COTL1: variants seen among roughly 807,000 people sequenced by gnomAD.
COTL1 encodes coactosin-like protein.
In COTL1, 15 loss-of-function variants were observed where a neutral mutation model predicts 16.5. The ratio of observed to expected loss-of-function variants is 0.91; its 90% CI spans 0.61 to 1.40. COTL1 has a LOEUF of 1.40. COTL1 is among the 40% of genes most tolerant of loss of function. The probability of loss-of-function intolerance (pLI) is 0.00; values close to 1 mark genes in which losing one functional copy is unlikely to be tolerated. For synonymous variants in COTL1, 112 were observed against 85.3 expected (o/e 1.31, Z -1.73); for missense variants, 220 against 201.5 (o/e 1.09, Z -0.56).
At chr16:84,614,428 C>T (rs1905417610) in intron 2 of COTL1, among the ~76,000 whole-genome samples, 1 of 151,768 alleles carries the variant, frequency 6.6e-6, no homozygotes, top group Non-Finnish European at 1.5e-5. Context: ...AAAGGCCAGG[C>T]CAGGAGGCTG....
chr16:84,613,002 C>CTTT (rs201067681), intron 2 of COTL1, among the ~76,000 whole-genome samples: 9 of 130,454 alleles, frequency 6.9e-5, no homozygotes, highest in Non-Finnish European at 1.3e-4. Context: ...TTCTTTCTTT[C>CTTT]TTTCTTTTTT....
intron 2 of COTL1, among the ~76,000 whole-genome samples, chr16:84,591,651 A>C (rs868340515): frequency 3.5e-4 from 27 of 77,312 alleles, no homozygotes; most frequent in South Asian, 1.2e-3. Flanking sequence ...AAAAAAAAAA[A>C]AAAAAAAAAA....
Position 84,610,545 on chromosome 16 carries a change from G to C in COTL1, c.160+6956C>G, listed in dbSNP as rs367639421. Among the ~76,000 whole-genome samples the C allele has an allele frequency of 2.6e-5, 4 of 152,308 alleles. No homozygotes were observed. The East Asian group carries it at 5.8e-4, about 22-fold the overall frequency. ...ACCAACAACTCTGTCCAAAGTCTCA[G>C]GGATGAATCTGATTGGCTAGATTTG... is the stretch of plus-strand genomic sequence containing the variant. On this transcript the variant is annotated intron_variant, in intron 2 of 3. Coordinates refer to ENST00000262428, the MANE Select transcript of COTL1 (RefSeq NM_021149.5).
intron 3 of COTL1, among the ~76,000 whole-genome samples, chr16:84,577,385 C>T (rs552070305): frequency 6.6e-6 from 1 of 152,324 alleles, no homozygotes; most frequent in South Asian, 2.1e-4. Context: ...GCTGGGACTA[C>T]AGGCATGCGC....
At chr16:84,606,354 G>C (rs1265560321) in intron 2 of COTL1, among the ~76,000 whole-genome samples, 10 of 152,236 alleles carry the variant, frequency 6.6e-5, no homozygotes, top group Admixed American at 6.5e-4. Flanking sequence ...TGTGAGCTTA[G>C]CTCTCAGACA....
At chr16:84,599,031 A>G (rs1905062550) in intron 2 of COTL1, among the ~76,000 whole-genome samples, 1 of 151,996 alleles carries the variant, frequency 6.6e-6, no homozygotes, top group African/African-American at 2.4e-5. Context: ...TAACTCCCCA[A>G]AAGTTACAAA....
At chr16:84,573,881 G>C (rs1483137158) in intron 3 of COTL1, among the ~76,000 whole-genome samples, 3 of 152,052 alleles carry the variant, frequency 2.0e-5, no homozygotes, top group Non-Finnish European at 4.4e-5. Context: ...GAGGTGGGGC[G>C]CTGTGGCTCA....
intron 3 of COTL1, among the ~76,000 whole-genome samples, chr16:84,572,345 G>A (rs1904352079): frequency 6.6e-6 from 1 of 152,202 alleles, no homozygotes; most frequent in Non-Finnish European, 1.5e-5. Context: ...GCACTTGCCA[G>A]CACCCACATG....
At chr16:84,578,986 C>T (rs891059991) in intron 3 of COTL1, among the ~76,000 whole-genome samples, 9 of 151,858 alleles carry the variant, frequency 5.9e-5, no homozygotes, top group African/African-American at 1.9e-4. Context: ...TCCAAGCATG[C>T]GTACACACAT....
chr16:84,579,619 G>T (rs536163483), intron 3 of COTL1, among the ~76,000 whole-genome samples: 1 of 152,350 alleles, frequency 6.6e-6, no homozygotes, highest in Admixed American at 6.5e-5. Flanking sequence ...GTGAGGTGGG[G>T]GGTAGTGGCT....
At chr16:84,613,059 A>C (rs1905373436) in intron 2 of COTL1, among the ~76,000 whole-genome samples, 1 of 150,098 alleles carries the variant, frequency 6.7e-6, no homozygotes, top group Admixed American at 6.6e-5. Context: ...AGAGTACAAC[A>C]GCGCGATCTC....
At chr16:84,582,157 G>C (rs924488156) in intron 3 of COTL1, among the ~76,000 whole-genome samples, 1 of 151,866 alleles carries the variant, frequency 6.6e-6, no homozygotes, top group Non-Finnish European at 1.5e-5. Flanking sequence ...ACCATATCCA[G>C]CTAATTTTTG....
intron 3 of COTL1, among the ~76,000 whole-genome samples, chr16:84,578,881 ACACACAGACG>A (rs1904512808): frequency 1.3e-5 from 2 of 152,178 alleles, no homozygotes; most frequent in African/African-American, 2.4e-5. Flanking sequence ...AGGCATGCAT[ACACACAGACG>A]CATGCACACA....
At chr16:84,572,951 A>C (rs1263332373) in intron 3 of COTL1, among the ~76,000 whole-genome samples, 1 of 143,532 alleles carries the variant, frequency 7.0e-6, no homozygotes, top group Non-Finnish European at 1.5e-5. Flanking sequence ...ATGGGGTTTT[A>C]CCATGTTGCC....
chr16:84,609,986 C>T (rs113013542), intron 2 of COTL1, among the ~76,000 whole-genome samples: 121 of 152,320 alleles, frequency 7.9e-4, no homozygotes, highest in African/African-American at 2.2e-3. Context: ...ATTCCTACTG[C>T]GTGGTCCCAT....
chr16:84,618,007 G>A lies in COTL1; in HGVS notation c.-93C>T, dbSNP rs1179193203. On this transcript the variant is annotated 5_prime_UTR_variant, in exon 1 of 4. Coordinates refer to ENST00000262428, the MANE Select transcript of COTL1 (RefSeq NM_021149.5). ...GGAGCGCGGCGGGTACGCGCCGAGG[G>A]CGCACGGGCTGGCGGCGGTGGCGAC... 1.1e-5 allele frequency: 9 copies of A among 806,690 alleles called. No homozygotes were observed. Among genetic ancestry groups the A allele is most frequent in the Non-Finnish European group, 1.5e-5 (9 of 615,122 alleles). 50.0% of individuals were successfully genotyped at this position (806,690 alleles called of 1,614,324 possible). A position where few individuals can be genotyped will look rare whatever the true frequency, so the allele number is the denominator to read the frequency against.
In COTL1 at chr16:84,617,524, T is replaced by C. The variant is rs1905523571; in HGVS notation, c.137A>G (p.Gln46Arg). Reference sequence around the variant, plus strand: ...ACCTGTGCACTGCTGGATGAAGTGCTGGTACTCCGCTCCCTGCTCGCCGGG... The same window carrying C: ...ACCTGTGCACTGCTGGATGAAGTGCCGGTACTCCGCTCCCTGCTCGCCGGG... ...IVPGEQGAEY[Q>R]HFIQQCTDDV... The change falls in exon 2 of 4, where the codon CAG becomes CGG. Residue 46 changes from glutamine to arginine, a missense_variant. By Grantham distance (43) the Gln-to-Arg change is conservative. Coordinates refer to ENST00000262428, the MANE Select transcript of COTL1 (RefSeq NM_021149.5). 1 of 1,556,036 alleles carries C rather than the reference T, an allele frequency of 6.4e-7. No individual in the cohort carries two copies. The highest frequency in any genetic ancestry group is 8.7e-7 in the Non-Finnish European group (1 of 1,149,404).
At chr16:84,579,813 G>A (rs1260644649) in intron 3 of COTL1, among the ~76,000 whole-genome samples, 1 of 152,192 alleles carries the variant, frequency 6.6e-6, no homozygotes, top group East Asian at 1.9e-4. Context: ...CCAGGGAAGA[G>A]GAAGAGAAGA....
intron 3 of COTL1, among the ~76,000 whole-genome samples, chr16:84,571,148 G>T (rs1904329291): frequency 6.6e-6 from 1 of 152,168 alleles, no homozygotes; most frequent in African/African-American, 2.4e-5. Flanking sequence ...TGAGCCTGTT[G>T]GCTCCCTTCA....
Sources: allele counts gnomAD v4.1 joint callset (sites outside exome capture counted in the v4.1 genomes callset), GRCh38; gene constraint gnomAD v4.1.1; transcripts MANE v1.5; gene names NCBI Gene and HGNC (gene_info 2026-07-23, HGNC 2026-07-21).